The following CNTN5 variants were observed in gnomAD, a reference collection of about 807,000 sequenced individuals.
CNTN5 encodes contactin-5.
CNTN5 carries 77 observed loss-of-function variants against 129.1 expected under a neutral mutation model. That is an observed-to-expected ratio of 0.60 (90% CI 0.50 to 0.72). The LOEUF (loss-of-function observed/expected upper bound fraction) is 0.72. Among genes scored for constraint, CNTN5 ranks in the 30% least tolerant of loss-of-function variants. The pLI is 0.00. For missense variants in CNTN5, 1,478 were observed against 1,328.8 expected (o/e 1.11, Z -1.75); for synonymous variants, 509 against 465.6 (o/e 1.09, Z -1.20).
intron 15 of CNTN5, among the ~76,000 whole-genome samples, chr11:100,217,312 T>G (rs890350841): frequency 6.6e-6 from 1 of 152,174 alleles, no homozygotes; most frequent in Admixed American, 6.5e-5. Context: ...AATCTATTGG[T>G]TGGGTCACAG....
intron 13 of CNTN5, among the ~76,000 whole-genome samples, chr11:100,187,409 C>T (rs906546937): frequency 7.5e-4 from 69 of 92,354 alleles, no homozygotes; most frequent in African/African-American, 1.4e-3. Context: ...AAGCTGCCAA[C>T]GGTTTTTTTT....
At chr11:99,886,534 G>A (rs1948905583) in intron 6 of CNTN5, among the ~76,000 whole-genome samples, 2 of 152,192 alleles carry the variant, frequency 1.3e-5, no homozygotes, top group Admixed American at 6.5e-5. Flanking sequence ...ATAATATCAA[G>A]TATTAGAGAG....
chr11:99,919,603 AATTTTTATCCCATAAAATTC>A (rs1949884932), intron 7 of CNTN5, among the ~76,000 whole-genome samples: 2 of 151,998 alleles, frequency 1.3e-5, no homozygotes, highest in African/African-American at 4.8e-5. Flanking sequence ...ATTGACATGC[AATTTTTATCCCATAAAATTC>A]ACGCATTTTA....
At chr11:99,865,690 T>C (rs1591333109) in intron 6 of CNTN5, among the ~76,000 whole-genome samples, 1 of 152,142 alleles carries the variant, frequency 6.6e-6, no homozygotes. Flanking sequence ...ACTGAAAATG[T>C]TTCTTCTAAA....
chr11:99,556,815 G>T (rs1466433818), intron 3 of CNTN5, among the ~76,000 whole-genome samples: 1 of 150,440 alleles, frequency 6.6e-6, no homozygotes, highest in Non-Finnish European at 1.5e-5. Flanking sequence ...CACCTTCTCT[G>T]ACTTTGTTGT....
chr11:99,645,054 C>T (rs1165311261), intron 3 of CNTN5, among the ~76,000 whole-genome samples: 1 of 149,208 alleles, frequency 6.7e-6, no homozygotes, highest in Admixed American at 6.7e-5. Context: ...ATCACAAGGT[C>T]AGGAGTTGAG....
chr11:100,105,263 T>A (rs1214175140), intron 13 of CNTN5, among the ~76,000 whole-genome samples: 1 of 152,174 alleles, frequency 6.6e-6, no homozygotes, highest in Non-Finnish European at 1.5e-5. Flanking sequence ...TCCTATTACA[T>A]CTCTGTCATG....
intron 1 of CNTN5, among the ~76,000 whole-genome samples, chr11:99,193,025 C>G (rs1858724503): frequency 6.6e-6 from 1 of 152,078 alleles, no homozygotes. Context: ...GGTTCAAGAT[C>G]TATTCAAAGC....
intron 3 of CNTN5, among the ~76,000 whole-genome samples, chr11:99,782,284 C>A (rs1382657914): frequency 6.8e-6 from 1 of 145,998 alleles, no homozygotes; most frequent in Non-Finnish European, 1.5e-5. Context: ...TGTGAAGGAC[C>A]TCTTCAAGGA....
intron 1 of CNTN5, among the ~76,000 whole-genome samples, chr11:99,235,803 T>A (rs1861231454): frequency 1.3e-5 from 2 of 152,188 alleles, no homozygotes; most frequent in Non-Finnish European, 2.9e-5. Context: ...GTGGCAATTG[T>A]CTGGAATGCC....
intron 2 of CNTN5, among the ~76,000 whole-genome samples, chr11:99,522,280 A>G (rs1239600646): frequency 6.6e-6 from 1 of 152,162 alleles, no homozygotes; most frequent in East Asian, 1.9e-4. Flanking sequence ...TGTTGTCATT[A>G]TGGAATTAGC....
chr11:99,808,765 C>G (rs1376803235), intron 3 of CNTN5, among the ~76,000 whole-genome samples: 1 of 152,076 alleles, frequency 6.6e-6, no homozygotes, highest in African/African-American at 2.4e-5. Context: ...TACTGCCAAG[C>G]ACTTTTTCTT....
At chr11:99,616,337 G>T (rs2135746518) in intron 3 of CNTN5, among the ~76,000 whole-genome samples, 1 of 152,116 alleles carries the variant, frequency 6.6e-6, no homozygotes, top group South Asian at 2.1e-4. Context: ...CTGCACCCTG[G>T]CTTTACACTT....
chr11:99,796,758 G>C (rs1188282541), intron 3 of CNTN5, among the ~76,000 whole-genome samples: 1 of 152,084 alleles, frequency 6.6e-6, no homozygotes, highest in Non-Finnish European at 1.5e-5. Context: ...AAGGCTTGGA[G>C]GATGGACATC....
intron 15 of CNTN5, among the ~76,000 whole-genome samples, chr11:100,223,643 C>T (rs1198748235): frequency 1.3e-5 from 2 of 152,068 alleles, no homozygotes; most frequent in African/African-American, 4.8e-5. Context: ...ACTTTCATTA[C>T]ATATTATTTC....
At chr11:99,276,688 A>C (rs998965220) in intron 1 of CNTN5, among the ~76,000 whole-genome samples, 1 of 151,534 alleles carries the variant, frequency 6.6e-6, no homozygotes, top group African/African-American at 2.4e-5. Context: ...AGTGGTAAAA[A>C]AAGTACCTTC....
intron 3 of CNTN5, among the ~76,000 whole-genome samples, chr11:99,680,496 T>C (rs1248406776): frequency 6.6e-6 from 1 of 151,716 alleles, no homozygotes; most frequent in Non-Finnish European, 1.5e-5. Context: ...TATAGCATGG[T>C]TTACTGAATA....
intron 3 of CNTN5, among the ~76,000 whole-genome samples, chr11:99,627,486 A>T (rs1445697499): frequency 6.6e-6 from 1 of 152,174 alleles, no homozygotes; most frequent in Non-Finnish European, 1.5e-5. Context: ...GCATTAAAAT[A>T]GTAAACCTCA....
intron 1 of CNTN5, among the ~76,000 whole-genome samples, chr11:99,099,603 T>G (rs1047403008): frequency 6.6e-6 from 1 of 151,698 alleles, no homozygotes; most frequent in Non-Finnish European, 1.5e-5. Flanking sequence ...AGCACAGTGC[T>G]GCACACATAT....
Sources: gnomAD v4.1 joint callset for allele counts (sites outside exome capture counted in the v4.1 genomes callset) on GRCh38, gnomAD v4.1.1 for gene constraint, MANE v1.5 for transcripts, NCBI Gene and HGNC (gene_info 2026-07-23, HGNC 2026-07-21) for gene names.